QTMAN: variants seen among roughly 807,000 people sequenced by gnomAD.
QTMAN encodes the protein queuosine-tRNA mannosyltransferase.
the QTMAN span, among the ~76,000 whole-genome samples, chr2:143,993,681 T>C: frequency 2.0e-5 from 3 of 152,124 alleles, no homozygotes; most frequent in African/African-American, 7.2e-5. Context: ...GATTTCAGCC[T>C]GGGGATACTG....
At chr2:144,322,382 AGAT>A in the QTMAN span, among the ~76,000 whole-genome samples, 1 of 152,222 alleles carries the variant, frequency 6.6e-6, no homozygotes, top group African/African-American at 2.4e-5. Context: ...AAACTTAGTA[AGAT>A]AACATATGTA....
chr2:144,091,532 C>T, the QTMAN span, among the ~76,000 whole-genome samples: 1 of 152,160 alleles, frequency 6.6e-6, no homozygotes, highest in Non-Finnish European at 1.5e-5. Context: ...TTGACCTTAT[C>T]AAGTGCTGGT....
the QTMAN span, among the ~76,000 whole-genome samples, chr2:144,088,386 A>T: frequency 6.6e-6 from 1 of 152,056 alleles, no homozygotes; most frequent in African/African-American, 2.4e-5. Context: ...TGATAAAATG[A>T]CCACATAGCC....
chr2:144,007,762 C>T, the QTMAN span, among the ~76,000 whole-genome samples: 1 of 152,050 alleles, frequency 6.6e-6, no homozygotes. Context: ...GTTTCTATGG[C>T]TATAAAACTT....
the QTMAN span, among the ~76,000 whole-genome samples, chr2:144,055,572 G>A: frequency 3.9e-5 from 6 of 152,194 alleles, no homozygotes; most frequent in Admixed American, 1.3e-4. Flanking sequence ...GTGGTGCAAA[G>A]AAGGAAAGAG....
At chr2:144,055,530 C>A in the QTMAN span, among the ~76,000 whole-genome samples, 1 of 151,776 alleles carries the variant, frequency 6.6e-6, no homozygotes, top group Non-Finnish European at 1.5e-5. Flanking sequence ...TTGTTCTTAT[C>A]TCAGGATTTG....
At chr2:144,264,535 T>G in the QTMAN span, among the ~76,000 whole-genome samples, 1 of 152,204 alleles carries the variant, frequency 6.6e-6, no homozygotes, top group Non-Finnish European at 1.5e-5. Context: ...AAAATTCCCC[T>G]GCTTCCTTAG....
chr2:144,101,896 T>C, the QTMAN span, among the ~76,000 whole-genome samples: 9,441 of 152,180 alleles, frequency 0.062, 415 homozygotes, highest in Admixed American at 0.15. Flanking sequence ...TCTAGGACAT[T>C]TGCTTCAGGT....
chr2:144,064,131 T>C, the QTMAN span, among the ~76,000 whole-genome samples: 1 of 152,090 alleles, frequency 6.6e-6, no homozygotes. Context: ...AGTCACTGAC[T>C]AGTTAAGAAG....
At chr2:144,178,249 GA>G in the QTMAN span, 1 of 152,162 alleles carries the variant, frequency 6.6e-6, no homozygotes, top group Admixed American at 6.6e-5. Flanking sequence ...TTCTGAACCT[GA>G]TCCGTAAAAG....
chr2:144,148,487 G>T, the QTMAN span, among the ~76,000 whole-genome samples: 2 of 151,694 alleles, frequency 1.3e-5, no homozygotes, highest in Non-Finnish European at 2.9e-5. Context: ...CTATACATTT[G>T]AAGTAACAGG....
the QTMAN span, among the ~76,000 whole-genome samples, chr2:144,214,038 C>G: frequency 1.3e-5 from 2 of 152,084 alleles, no homozygotes; most frequent in Admixed American, 1.3e-4. Context: ...TCACGGAAAC[C>G]CCAAGTTGTT....
the QTMAN span, among the ~76,000 whole-genome samples, chr2:144,053,104 G>A: frequency 6.6e-6 from 1 of 151,958 alleles, no homozygotes; most frequent in African/African-American, 2.4e-5. Flanking sequence ...ACCAATTAAT[G>A]GATCATAAAA....
chr2:144,175,670 C>CAG, the QTMAN span, among the ~76,000 whole-genome samples: 1,501 of 148,268 alleles, frequency 0.01, 13 homozygotes, highest in African/African-American at 0.023. Context: ...TATATATTTA[C>CAG]AGAGAGAGAG....
the QTMAN span, among the ~76,000 whole-genome samples, chr2:144,318,194 A>ACAC: frequency 7.0e-6 from 1 of 141,934 alleles, no homozygotes; most frequent in Non-Finnish European, 1.6e-5. Context: ...TATTTAAATA[A>ACAC]ACACACACAC....
the QTMAN span, among the ~76,000 whole-genome samples, chr2:143,988,935 C>T: frequency 6.6e-6 from 1 of 152,156 alleles, no homozygotes; most frequent in Non-Finnish European, 1.5e-5. Flanking sequence ...CTTTCAGATG[C>T]CCTTTTAGGG....
the QTMAN span, among the ~76,000 whole-genome samples, chr2:144,155,473 T>C: frequency 6.6e-6 from 1 of 152,190 alleles, no homozygotes; most frequent in Non-Finnish European, 1.5e-5. Flanking sequence ...TCATGATTAA[T>C]CTATCGTACA....
chr2:144,023,210 TTTAGGCA>T, the QTMAN span, among the ~76,000 whole-genome samples: 1 of 152,118 alleles, frequency 6.6e-6, no homozygotes, highest in Non-Finnish European at 1.5e-5. Context: ...CAAGTTCACT[TTTAGGCA>T]TTACTCAGCA....
chr2:144,142,014 A>G, the QTMAN span: 4 of 1,610,844 alleles, frequency 2.5e-6, no homozygotes, highest in Non-Finnish European at 3.4e-6. Flanking sequence ...AAATGATTCC[A>G]TATTAAAAAC....
Sources: allele counts gnomAD v4.1 joint callset (sites outside exome capture counted in the v4.1 genomes callset), GRCh38; gene constraint gnomAD v4.1.1; transcripts MANE v1.5; gene names NCBI Gene and HGNC (gene_info 2026-07-23, HGNC 2026-07-21).